Variants in SLC16A12 observed in about 807,000 individuals in gnomAD.
The protein encoded by SLC16A12 is solute carrier family 16 member 12, also known as monocarboxylate transporter 12.
Under a neutral mutation model 42.4 loss-of-function variants are expected in SLC16A12, and 17 were observed. The observed-to-expected ratio is 0.40, with a 90% CI of 0.27 to 0.60. The LOEUF (loss-of-function observed/expected upper bound fraction) is 0.60, where lower values mean the gene tolerates loss of function less well. Among genes scored for constraint, SLC16A12 ranks in the 20% least tolerant of loss-of-function variants. SLC16A12 has a pLI of 0.42. For synonymous variants in SLC16A12, 224 were observed against 229.4 expected (o/e 0.98, Z 0.21); for missense variants, 544 against 623.0 (o/e 0.87, Z 1.35).
At chr10:89,524,248 A>G (rs1843411353) in intron 2 of SLC16A12, among the ~76,000 whole-genome samples, 1 of 152,228 alleles carries the variant, frequency 6.6e-6, no homozygotes, top group Non-Finnish European at 1.5e-5. Context: ...TTCAGAGTTA[A>G]CTGCTTGAAA....
chr10:89,468,459 T>C (rs1224061805), intron 2 of SLC16A12, among the ~76,000 whole-genome samples: 1 of 152,236 alleles, frequency 6.6e-6, no homozygotes, highest in Non-Finnish European at 1.5e-5. Flanking sequence ...TGACTTTGGA[T>C]GATGCACTTG....
At chr10:89,524,213 C>G (rs1022004073) in intron 2 of SLC16A12, among the ~76,000 whole-genome samples, 3 of 152,188 alleles carry the variant, frequency 2.0e-5, no homozygotes, top group Admixed American at 2.0e-4. Context: ...TTAACAGACC[C>G]TCTGGGGCCT....
intron 2 of SLC16A12, among the ~76,000 whole-genome samples, chr10:89,551,716 G>A (rs1006763765): frequency 6.6e-6 from 1 of 152,150 alleles, no homozygotes. Flanking sequence ...AGGGGTTTCT[G>A]CTTTTGCATC....
Position 89,431,779 on chromosome 10 carries a change from C to T in SLC16A12, c.*1285G>A, listed in dbSNP as rs1841699341. On this transcript the variant is annotated 3_prime_UTR_variant, in exon 8 of 8. Transcript: ENST00000371790. ...GCTGGGGGATCTGGACTTTTTCTTC[C>T]CTCCATGCCTTCCCTCTTCAATCTG... is the stretch of plus-strand genomic sequence containing the variant. The T allele has an allele frequency of 6.6e-6, 1 of 152,164 alleles. No homozygotes were observed. Among genetic ancestry groups the T allele is most frequent in the South Asian group, 2.1e-4 (1 of 4,824 alleles). 9.4% of individuals were successfully genotyped at this position (152,164 alleles called of 1,614,324 possible). A position where few individuals can be genotyped will look rare whatever the true frequency, so the allele number is the denominator to read the frequency against.
intron 2 of SLC16A12, among the ~76,000 whole-genome samples, chr10:89,463,391 T>A (rs1468484198): frequency 1.3e-5 from 2 of 149,024 alleles, no homozygotes; most frequent in Non-Finnish European, 3.0e-5. Flanking sequence ...TTTAATACAA[T>A]CCAAATAAGG....
chr10:89,507,224 C>A (rs1198600676), intron 2 of SLC16A12, among the ~76,000 whole-genome samples: 1 of 152,102 alleles, frequency 6.6e-6, no homozygotes, highest in Non-Finnish European at 1.5e-5. Context: ...ATACAGAGAA[C>A]ACCACAGAGA....
intron 2 of SLC16A12, among the ~76,000 whole-genome samples, chr10:89,547,572 A>G (rs1456006011): frequency 6.6e-6 from 1 of 152,208 alleles, no homozygotes; most frequent in Non-Finnish European, 1.5e-5. Flanking sequence ...AGCCATGCAA[A>G]TGACAAATAT....
At position 89,501,062 on chromosome 10, in the gene SLC16A12, C is replaced by CA. The variant is rs561809326; in HGVS notation, c.-47+33438dup. ...TTACAATAGCTGCAAAAACAAAAAA[C>CA]AAAAAAAACAAAACCTTAGGAATAT... On this transcript the variant is annotated intron_variant, in intron 2 of 7. Coordinates refer to ENST00000371790, the MANE Select transcript of SLC16A12 (RefSeq NM_213606.4). Among the ~76,000 whole-genome samples the CA allele has an allele frequency of 9.5e-4, 143 of 151,226 alleles. 1 individual carries two copies. Among genetic ancestry groups the CA allele is most frequent in the Non-Finnish European group, 1.3e-3 (86 of 67,754 alleles).
At chr10:89,536,493 C>T (rs943931096), upstream of SLC16A12, among the ~76,000 whole-genome samples, 1 of 152,110 alleles carries the variant, frequency 6.6e-6, no homozygotes, top group South Asian at 2.1e-4. Flanking sequence ...GGTGTAGGCG[C>T]CCGGTACATA....
At chr10:89,514,729 A>T (rs753341210) in intron 2 of SLC16A12, among the ~76,000 whole-genome samples, 2 of 152,332 alleles carry the variant, frequency 1.3e-5, no homozygotes, top group Admixed American at 1.3e-4. Flanking sequence ...GGGCTTAAAC[A>T]TAAATCTGGG....
chr10:89,462,214 T>C (rs1038553815), intron 3 of SLC16A12, among the ~76,000 whole-genome samples, 165 bp downstream of exon 3: 9 of 152,024 alleles, frequency 5.9e-5, no homozygotes, highest in African/African-American at 1.7e-4. Context: ...GAGAATCACA[T>C]ACTTTGCAAA....
intron 2 of SLC16A12, among the ~76,000 whole-genome samples, chr10:89,545,118 A>G (rs1843735487): frequency 6.6e-6 from 1 of 152,054 alleles, no homozygotes; most frequent in South Asian, 2.1e-4. Context: ...AACCTGAGTC[A>G]CCCCAGTTGA....
rs1207487405 is a variant in SLC16A12, at chr10:89,502,839, A to G, written c.-47+31662T>C. ...ATCAGGAATTCCCCAACTTCATGTC[A>G]ACTAGGCTTCCATCTGTCCAAGGAA... is the stretch of plus-strand genomic sequence containing the variant. On this transcript the variant is annotated intron_variant, in intron 2 of 7. Transcript: ENST00000371790. Among the ~76,000 whole-genome samples, 5 of 152,226 alleles carry G rather than the reference A, an allele frequency of 3.3e-5. No homozygotes were observed. The South Asian group carries it at 1.0e-3, about 32-fold the overall frequency.
chr10:89,487,987 TATATATATACAC>T (rs1176390127), intron 2 of SLC16A12, among the ~76,000 whole-genome samples: 8 of 133,324 alleles, frequency 6.0e-5, no homozygotes, highest in African/African-American at 1.2e-4. Flanking sequence ...TATATATATA[TATATATATACAC>T]ACACACATTT....
At chr10:89,451,180 T>C (rs910162581) in intron 3 of SLC16A12, among the ~76,000 whole-genome samples, 2 of 152,196 alleles carry the variant, frequency 1.3e-5, no homozygotes, top group African/African-American at 4.8e-5. Flanking sequence ...TTCCAATTAA[T>C]TGTGCTTTAA....
chr10:89,445,397 A>AGCAATATTTGCTGTTCT (rs954120777), intron 3 of SLC16A12, among the ~76,000 whole-genome samples: 1 of 152,244 alleles, frequency 6.6e-6, no homozygotes, highest in East Asian at 1.9e-4. Context: ...AGGATCAGGC[A>AGCAATATTTGCTGTTCT]GCAATATTTG....
intron 2 of SLC16A12, among the ~76,000 whole-genome samples, chr10:89,486,656 AAAGAAAGAAAAGAAAG>A (rs1842756471): frequency 8.7e-6 from 1 of 115,372 alleles, no homozygotes; most frequent in African/African-American, 3.4e-5. Context: ...AGAAAGAAAG[AAAGAAAGAAAAGAAAG>A]AAAGAAAGAA....
intron 4 of SLC16A12, among the ~76,000 whole-genome samples, chr10:89,443,316 A>T (rs1250934955): frequency 6.6e-6 from 1 of 152,204 alleles, no homozygotes; most frequent in Non-Finnish European, 1.5e-5. Flanking sequence ...GATGTGATAC[A>T]ACACTGTTGG....
At chr10:89,469,798 T>C in intron 2 of SLC16A12, among the ~76,000 whole-genome samples, 1 of 152,248 alleles carries the variant, frequency 6.6e-6, no homozygotes, top group Middle Eastern at 3.2e-3. Context: ...GATATCTGTC[T>C]TCTAAACCAG....
Sources: allele counts gnomAD v4.1 joint callset (sites outside exome capture counted in the v4.1 genomes callset), GRCh38; gene constraint gnomAD v4.1.1; transcripts MANE v1.5; gene names NCBI Gene and HGNC (gene_info 2026-07-23, HGNC 2026-07-21).